The following NBEA variants were observed in gnomAD, a reference collection of about 807,000 sequenced individuals.
The protein encoded by NBEA is lysosomal-trafficking regulator 2.
In NBEA, 44 loss-of-function variants were observed where a neutral mutation model predicts 343.4. The ratio of observed to expected loss-of-function variants is 0.13; its 90% CI spans 0.10 to 0.16. NBEA has a LOEUF of 0.16. NBEA is among the 10% of genes least tolerant of loss of function. NBEA has a pLI of 1.00. For missense variants in NBEA, 2,555 were observed against 3,631.3 expected, an observed-to-expected ratio of 0.70 and a Z score of 7.62; for synonymous variants, 1,175 against 1,238.7, an observed-to-expected ratio of 0.95 and a Z score of 1.08.
chr13:35,583,897 G>T lies in NBEA; in HGVS notation c.7036-1G>T, dbSNP rs1305770307. The T allele has an allele frequency of 6.2e-7, 1 of 1,602,538 alleles. No individual in the cohort carries two copies. Among genetic ancestry groups the T allele is most frequent in the Admixed American group, 1.8e-5 (1 of 56,988 alleles). On this transcript the variant is annotated splice_acceptor_variant, in intron 45 of 58. Coordinates refer to ENST00000379939, the MANE Select transcript of NBEA (RefSeq NM_001385012.1). LOFTEE classifies it high-confidence loss of function. ...ACAAAATATTTTTTTTCTTTTAATA[G>T]CCAATTGGTGCTTTGAACCCCAAGA...
chr13:35,366,531 A>G (rs953370813), intron 38 of NBEA, among the ~76,000 whole-genome samples: 5 of 151,154 alleles, frequency 3.3e-5, no homozygotes, highest in Non-Finnish European at 5.9e-5. Context: ...TTTTTTTGCA[A>G]TGATGTTTTA....
At chr13:35,558,826 G>A (rs1444462157) in intron 44 of NBEA, among the ~76,000 whole-genome samples, 1 of 152,180 alleles carries the variant, frequency 6.6e-6, no homozygotes, top group Non-Finnish European at 1.5e-5. Context: ...AGAAAGTACA[G>A]GATTAAGTGC....
intron 1 of NBEA, among the ~76,000 whole-genome samples, chr13:35,032,506 C>T (rs2062269751): frequency 6.6e-6 from 1 of 151,058 alleles, no homozygotes; most frequent in South Asian, 2.1e-4. Flanking sequence ...TTTTTTTTCT[C>T]TTGTAAATTT....
At chr13:35,361,168 A>G (rs1014468222) in intron 38 of NBEA, among the ~76,000 whole-genome samples, 6 of 152,044 alleles carry the variant, frequency 3.9e-5, no homozygotes, top group Non-Finnish European at 8.8e-5. Flanking sequence ...TAACTTTTTT[A>G]TCATAGTTAA....
intron 40 of NBEA, among the ~76,000 whole-genome samples, chr13:35,469,898 T>TC (rs2075569230): frequency 3.9e-5 from 6 of 152,240 alleles, no homozygotes; most frequent in African/African-American, 1.4e-4. Context: ...GGCTTGTGAT[T>TC]GTGCCTTATG....
intron 48 of NBEA, among the ~76,000 whole-genome samples, chr13:35,612,073 GT>G (rs60709883): frequency 0.17 from 24,371 of 142,490 alleles, 2,105 homozygotes; most frequent in East Asian, 0.33. Flanking sequence ...GTTATTACCT[GT>G]TTTTTTTTTT....
intron 11 of NBEA, among the ~76,000 whole-genome samples, chr13:35,103,227 C>G (rs2065741344): frequency 6.6e-6 from 1 of 151,732 alleles, no homozygotes; most frequent in Non-Finnish European, 1.5e-5. Context: ...CCTAAACCTA[C>G]TCCTATTCCA....
At chr13:35,528,880 T>G (rs1040503980) in intron 41 of NBEA, among the ~76,000 whole-genome samples, 1 of 152,174 alleles carries the variant, frequency 6.6e-6, no homozygotes, top group Non-Finnish European at 1.5e-5. Flanking sequence ...GTTTGCTGAT[T>G]GTGATTTCAA....
intron 39 of NBEA, among the ~76,000 whole-genome samples, chr13:35,439,509 CT>C (rs1172548674): frequency 6.6e-6 from 1 of 152,062 alleles, no homozygotes; most frequent in Admixed American, 6.5e-5. Context: ...TTTGAATGGC[CT>C]TAATATTTGG....
At chr13:35,369,001 G>A (rs571666162) in intron 38 of NBEA, among the ~76,000 whole-genome samples, 2 of 151,700 alleles carry the variant, frequency 1.3e-5, no homozygotes, top group Non-Finnish European at 3.0e-5. Flanking sequence ...ACACATCAGT[G>A]CTCCGAAGTG....
rs2152730911 is a variant in NBEA at position 35,182,466 on chromosome 13, C to T, written c.4769C>T (p.Thr1590Ile). Residue 1590 changes from threonine (T) to isoleucine (I), a missense_variant, in exon 29 of 59, where the codon ACA becomes ATA. Physicochemically the swap from Thr to Ile is moderately conservative, Grantham distance 89. Around this residue, in one of 21 missense-constraint regions of NBEA, gnomAD observed 270 missense variants for 293.3 expected, o/e 0.92. Coordinates refer to ENST00000379939, the MANE Select transcript of NBEA (RefSeq NM_001385012.1). ...ATATTAGAACCCCAGAGAGAGACTA[C>T]AAGAACTGGAAGCCAACCAGGTAGA... ...RDILEPQRET[T>I]RTGSQPGRNI... The T allele has an allele frequency of 6.2e-7, 1 of 1,610,508 alleles. No homozygotes were observed. Among genetic ancestry groups the T allele is most frequent in the Non-Finnish European group, 8.5e-7 (1 of 1,177,780 alleles).
At chr13:35,187,135 C>T (rs1355451285) in intron 30 of NBEA, among the ~76,000 whole-genome samples, 4 of 151,826 alleles carry the variant, frequency 2.6e-5, no homozygotes, top group East Asian at 2.0e-4. Context: ...AATGTGTCAG[C>T]GAATGATGGA....
At chr13:35,383,933 A>G (rs1594429842) in intron 38 of NBEA, among the ~76,000 whole-genome samples, 2 of 152,176 alleles carry the variant, frequency 1.3e-5, no homozygotes, top group East Asian at 3.9e-4. Context: ...TGTTTGGCAT[A>G]GTGATGAAAA....
chr13:35,418,641 A>G (rs753152537), intron 38 of NBEA, among the ~76,000 whole-genome samples: 1 of 152,076 alleles, frequency 6.6e-6, no homozygotes, highest in Non-Finnish European at 1.5e-5. Flanking sequence ...AACAGAAAAC[A>G]GATGATGATA....
chr13:35,457,883 AG>A (rs1166618390), intron 40 of NBEA, among the ~76,000 whole-genome samples: 1 of 151,268 alleles, frequency 6.6e-6, no homozygotes, highest in Non-Finnish European at 1.5e-5. Flanking sequence ...CTGGGATCAC[AG>A]GCGTGAGCCA....
chr13:35,049,561 G>A (rs1387721599), intron 5 of NBEA, among the ~76,000 whole-genome samples: 1 of 151,590 alleles, frequency 6.6e-6, no homozygotes, highest in African/African-American at 2.4e-5. Context: ...AAATATATAT[G>A]GATAAAATGA....
chr13:35,406,203 C>T (rs1041412660), intron 38 of NBEA, among the ~76,000 whole-genome samples: 1 of 151,904 alleles, frequency 6.6e-6, no homozygotes, highest in African/African-American at 2.4e-5. Flanking sequence ...TCACTTTTTT[C>T]CTTCATGTTA....
chr13:35,652,858 C>G (rs1172997077), intron 53 of NBEA, among the ~76,000 whole-genome samples: 1 of 151,048 alleles, frequency 6.6e-6, no homozygotes, highest in Non-Finnish European at 1.5e-5. Flanking sequence ...CCGCGCCCGG[C>G]TAATTTTTGG....
At chr13:34,966,729 C>T (rs1180457345) in intron 1 of NBEA, among the ~76,000 whole-genome samples, 2 of 150,774 alleles carry the variant, frequency 1.3e-5, no homozygotes, top group Admixed American at 1.3e-4. Flanking sequence ...TTATTTCCCT[C>T]ATAAGTGGAA....
Sources: allele counts gnomAD v4.1 joint callset (sites outside exome capture counted in the v4.1 genomes callset), GRCh38; gene constraint gnomAD v4.1.1; regional missense constraint gnomAD v4.1.1; transcripts MANE v1.5; gene names NCBI Gene and HGNC (gene_info 2026-07-23, HGNC 2026-07-21).